Variants in BCCIP observed in about 807,000 individuals in gnomAD.
BCCIP encodes BRCA2 and CDKN1A interacting protein.
Under a neutral mutation model 32.8 loss-of-function variants are expected in BCCIP, and 23 were observed. The observed-to-expected ratio is 0.70, with a 90% CI of 0.51 to 0.99. The LOEUF is 0.99. BCCIP is among the 50% of genes least tolerant of loss of function. BCCIP has a pLI of 0.00. For synonymous variants in BCCIP, 144 were observed against 137.6 expected, an observed-to-expected ratio of 1.05 and a Z score of -0.33; for missense variants, 378 against 379.8, an observed-to-expected ratio of 1.00 and a Z score of 0.04.
intron 7 of BCCIP, among the ~76,000 whole-genome samples, chr10:125,848,386 A>G (rs1048448224): frequency 1.3e-5 from 2 of 152,194 alleles, no homozygotes; most frequent in Non-Finnish European, 2.9e-5. Context: ...GTACCTCTAA[A>G]TAACCCCAGG....
chr10:125,829,610 G>C (rs1042256884), intron 3 of BCCIP, among the ~76,000 whole-genome samples: 4 of 152,168 alleles, frequency 2.6e-5, no homozygotes, highest in African/African-American at 9.7e-5. Context: ...ACTTTTCAAG[G>C]CTTCTGACAA....
In BCCIP at chr10:125,852,544, T is replaced by C. The variant is rs1564826306; in HGVS notation, c.851-581T>C. 4 of 1,613,320 alleles carry C rather than the reference T, an allele frequency of 2.5e-6. No homozygotes were observed. In the African/African-American group the frequency reaches 4.0e-5, roughly 16 times the overall value. ...TAGTATTTGTGTCCACAGCACTACCTGAAGAAGATGAGCCAAGAATCTGCT... is the reference window on the plus strand; with the variant it reads ...TAGTATTTGTGTCCACAGCACTACCCGAAGAAGATGAGCCAAGAATCTGCT... On this transcript the variant is annotated intron_variant, in intron 7 of 7. Transcript: ENST00000368759.
At chr10:125,835,447 T>C (rs1017313152) in intron 6 of BCCIP, among the ~76,000 whole-genome samples, 26 of 151,020 alleles carry the variant, frequency 1.7e-4, no homozygotes, top group Non-Finnish European at 3.0e-5. Flanking sequence ...GGCACAATGG[T>C]GGGCACCGGT....
chr10:125,835,431 T>C lies in BCCIP; in HGVS notation c.775-673T>C, dbSNP rs533967346. On this transcript the variant is annotated intron_variant, in intron 6 of 6. Transcript: ENST00000278100. ...TGTCTTTACTAAAAATACAAAAAAT[T>C]AGCCAGGCACAATGGTGGGCACCGG... Among the ~76,000 whole-genome samples, 37 of 151,734 alleles carry C rather than the reference T, an allele frequency of 2.4e-4. 1 individual carries two copies. Among genetic ancestry groups the C allele is most frequent in the African/African-American group, 7.7e-4 (32 of 41,380 alleles).
chr10:125,843,014 T>C (rs766826993), downstream of BCCIP, among the ~76,000 whole-genome samples: 1 of 152,130 alleles, frequency 6.6e-6, no homozygotes. Context: ...CAATTATTTT[T>C]GCACCAACCT....
chr10:125,842,494 T>C (rs1449181822), exon 7 of BCCIP: 1 of 152,440 alleles, frequency 6.6e-6, no homozygotes, highest in African/African-American at 2.4e-5. Context: ...TATGGGGCAC[T>C]GGGTAGAAAA....
rs779411460 is a variant in BCCIP, at chr10:125,831,573, C to T, written c.565C>T (p.Pro189Ser). 2 of 1,614,024 alleles carry T rather than the reference C, an allele frequency of 1.2e-6. No homozygotes were observed. The highest frequency in any genetic ancestry group is 1.7e-6 in the Non-Finnish European group (2 of 1,179,990). ...AAGTGAAAGATTCATTAATGTCCCT[C>T]CACAGATCGCTCTGCCCATGTACCA... ...LLSERFINVPPQIALPMYQQL... is the reference protein window; with the variant it reads ...LLSERFINVPSQIALPMYQQL... The change falls in exon 5 of 7, where the codon CCA becomes TCA. Residue 189 changes from proline (P) to serine (S), a missense_variant. Coordinates refer to ENST00000278100, the MANE Select transcript of BCCIP (RefSeq NM_078468.3).
chr10:125,853,268 C>A (rs769634451), exon 8 of BCCIP: 2 of 1,464,250 alleles, frequency 1.4e-6, no homozygotes, highest in Non-Finnish European at 1.9e-6. Context: ...TTAGGAGGCT[C>A]ATAGTCTCCT....
At chr10:125,836,020 A>C (rs1854670819) in intron 6 of BCCIP, 84 bp from the exon 7 acceptor site, 1 of 1,255,708 alleles carries the variant, frequency 8.0e-7, no homozygotes, top group Non-Finnish European at 1.1e-6. Context: ...CATATGCCAA[A>C]CGTAATATTC....
chr10:125,836,024 A>C (rs1305873383), intron 6 of BCCIP, 80 bp from the exon 7 acceptor site: 10 of 1,291,510 alleles, frequency 7.7e-6, no homozygotes, highest in African/African-American at 1.5e-5. Context: ...TGCCAAACGT[A>C]ATATTCTTTG....
At chr10:125,841,371 C>T (rs757822772), downstream of BCCIP, 6 of 1,612,978 alleles carry the variant, frequency 3.7e-6, no homozygotes, top group South Asian at 5.5e-5. Flanking sequence ...TTAAAACATA[C>T]AAGCCAGGAT....
chr10:125,824,193 C>T (rs903430673), intron 1 of BCCIP, among the ~76,000 whole-genome samples: 1 of 152,166 alleles, frequency 6.6e-6, no homozygotes, highest in Admixed American at 6.5e-5. Context: ...GCAGTTTTCC[C>T]TTCCTTCTTC....
chr10:125,841,442 T>C, downstream of BCCIP: 2 of 1,553,876 alleles, frequency 1.3e-6, no homozygotes, highest in Non-Finnish European at 1.7e-6. Flanking sequence ...AAAACACCTC[T>C]AGTGACACAT....
At chr10:125,825,423 G>A (rs1055355948) in intron 1 of BCCIP, 1 of 152,200 alleles carries the variant, frequency 6.6e-6, no homozygotes, top group Non-Finnish European at 1.5e-5. Flanking sequence ...AATAATGACA[G>A]TTTGTTATTT....
chr10:125,841,332 T>A, downstream of BCCIP: 3 of 1,614,148 alleles, frequency 1.9e-6, no homozygotes, highest in Non-Finnish European at 2.5e-6. Context: ...AGCACAATGG[T>A]TGGTCTGTTC....
chr10:125,853,235 C>G (rs1225351859), exon 8 of BCCIP: 3 of 1,605,056 alleles, frequency 1.9e-6, no homozygotes, highest in South Asian at 1.1e-5. Flanking sequence ...TGGAATTGCT[C>G]TGTCATAATA....
chr10:125,824,174 C>CAG (rs1254425369), intron 1 of BCCIP, among the ~76,000 whole-genome samples: 17 of 152,210 alleles, frequency 1.1e-4, no homozygotes, highest in Admixed American at 3.3e-4. Flanking sequence ...AAATGCTCTT[C>CAG]TTTATCCTGC....
chr10:125,838,075 G>A, downstream of BCCIP: 1 of 794,952 alleles, frequency 1.3e-6, no homozygotes, highest in Non-Finnish European at 1.9e-6. Flanking sequence ...CCCTTAGTAG[G>A]TACTGTCAAC....
downstream of BCCIP, among the ~76,000 whole-genome samples, chr10:125,843,410 A>T (rs917869294): frequency 1.3e-5 from 2 of 152,182 alleles, no homozygotes; most frequent in African/African-American, 4.8e-5. Flanking sequence ...GGAGATTGAG[A>T]CCATCCTGGC....
Sources: gnomAD v4.1 joint callset for allele counts (sites outside exome capture counted in the v4.1 genomes callset) on GRCh38, gnomAD v4.1.1 for gene constraint, MANE v1.5 for transcripts, NCBI Gene and HGNC (gene_info 2026-07-23, HGNC 2026-07-21) for gene names.